The following GYG2 variants were observed in gnomAD, a reference collection of about 807,000 sequenced individuals.
The protein encoded by GYG2 is glycogenin-2.
Under a neutral mutation model 29.4 loss-of-function variants are expected in GYG2, and 29 were observed. The observed-to-expected ratio is 0.99, with a 90% confidence interval of 0.74 to 1.35. The LOEUF is 1.35. Among genes scored for constraint, GYG2 ranks in the 40% most tolerant of loss-of-function variants. The probability of loss-of-function intolerance (pLI) is 0.00; values close to 1 mark genes in which losing one functional copy is unlikely to be tolerated. For synonymous variants in GYG2, 167 were observed against 172.3 expected (o/e 0.97, Z 0.24); for missense variants, 370 against 385.7 (o/e 0.96, Z 0.34).
In GYG2 at chrX:2,862,882, C is replaced by A. The variant is rs943922348; in HGVS notation, c.1038+1160C>A. ...GAGACCAGCCGGCAACACACTGAGA[C>A]CTCATCTCTACAAAAAAAAGTCAAG... On this transcript the variant is annotated intron_variant, in intron 8 of 10. Transcript: ENST00000398806. 7.4e-5 allele frequency among the ~76,000 whole-genome samples: 8 copies of A among 107,752 alleles called. No homozygotes were observed. The Admixed American group carries it at 8.0e-4, about 11-fold the overall frequency. The allele number at this position is 107,752 out of a possible 115,157, so 93.6% of individuals were successfully genotyped here.
At chrX:2,871,384 AC>A (rs1429856598) in intron 8 of GYG2, among the ~76,000 whole-genome samples, 2 of 57,937 alleles carry the variant, frequency 3.5e-5, no homozygotes, top group Non-Finnish European at 5.0e-5. Context: ...TCTCTGATGC[AC>A]TTAAAAAAAA....
chrX:2,850,832 C>T (rs1471172282), intron 3 of GYG2, among the ~76,000 whole-genome samples: 1 of 110,451 alleles, frequency 9.1e-6, no homozygotes, highest in Non-Finnish European at 1.9e-5. Flanking sequence ...TATCTCCCTT[C>T]GCTGACTCTC....
chrX:2,844,580 A>G lies in GYG2; in HGVS notation c.149+1226A>G, dbSNP rs201740935. Among the ~76,000 whole-genome samples, 135 of 55,309 alleles carry G rather than the reference A, an allele frequency of 2.4e-3. 17 individuals carry two copies. The highest frequency in any genetic ancestry group is 0.013 in the Admixed American group (59 of 4,463). 48.0% of individuals were successfully genotyped at this position (55,309 alleles called of 115,157 possible). A position where few individuals can be genotyped will look rare whatever the true frequency, so the allele number is the denominator to read the frequency against. On this transcript the variant is annotated intron_variant, in intron 3 of 10. Transcript: ENST00000398806. ...TGCGTATATGTGTATACGCACACGC[A>G]TGCGTATATGTGTATACGCACACGC...
At chrX:2,853,499 G>A (rs5939362) in intron 3 of GYG2, 14,615 of 111,406 alleles carry the variant, frequency 0.13, 783 homozygotes, top group Admixed American at 0.25. Context: ...AAGCCACCGC[G>A]CCAGGCCTTG....
chrX:2,832,695 C>T (rs777538438), intron 2 of GYG2, among the ~76,000 whole-genome samples: 1 of 111,749 alleles, frequency 8.9e-6, no homozygotes, highest in East Asian at 2.8e-4. Context: ...CCCCCATGCC[C>T]GGCTCACTTT....
chrX:2,871,115 G>C (rs771492608), intron 8 of GYG2, among the ~76,000 whole-genome samples: 21 of 110,010 alleles, frequency 1.9e-4, no homozygotes, highest in African/African-American at 5.3e-4. Context: ...CAGTGTTTGT[G>C]ATGACCAGTC....
chrX:2,845,073 T>TTATATACACGTGTGTATGTA (rs2087648493), intron 3 of GYG2, among the ~76,000 whole-genome samples: 1 of 81,183 alleles, frequency 1.2e-5, no homozygotes, highest in African/African-American at 6.2e-5. Flanking sequence ...GTATGTATAT[T>TTATATACACGTGTGTATGTA]TATATACACG....
At chrX:2,834,599 G>T (rs1184458761) in intron 2 of GYG2, among the ~76,000 whole-genome samples, 1 of 111,640 alleles carries the variant, frequency 9.0e-6, no homozygotes, top group African/African-American at 3.3e-5. Flanking sequence ...TCAGCTGCTG[G>T]GCCCAGCACC....
rs188382797 is a variant in GYG2, at chrX:2,851,548, G to A, written c.150-2432G>A. ...CATGAGCCCCTGTGCCCAGCCTTCA[G>A]TTTGGTTTTGTCCAGTGTTTTCTCA... is the stretch of plus-strand genomic sequence containing the variant. On this transcript the variant is annotated intron_variant, in intron 3 of 10. Transcript: ENST00000398806. 3.6e-5 allele frequency among the ~76,000 whole-genome samples: 4 copies of A among 111,745 alleles called. No homozygotes were observed. The East Asian group carries it at 1.1e-3, about 31-fold the overall frequency.
rs1396246607 is a variant in GYG2 at position 2,882,464 on chromosome X, GA to G, written c.*1253del. 1.8e-5 allele frequency: 2 copies of G among 110,952 alleles called. No homozygotes were observed. The highest frequency in any genetic ancestry group is 6.6e-5 in the African/African-American group (2 of 30,416). 9.1% of individuals were successfully genotyped at this position (110,952 alleles called of 1,213,427 possible). On this transcript the variant is annotated 3_prime_UTR_variant, in exon 11 of 11. Transcript: ENST00000398806. ...GAAGCAGTTTAGCCTTTGGATAGAG[GA>G]ACCTGCCTGAATTTATGGCATTAGT...
At chrX:2,839,833 T>C (rs1431214768) in intron 2 of GYG2, among the ~76,000 whole-genome samples, 1 of 112,372 alleles carries the variant, frequency 8.9e-6, no homozygotes, top group African/African-American at 3.2e-5. Flanking sequence ...TTTGATTCCA[T>C]TTATAGGAAA....
At chrX:2,846,055 ATTTTTTTTTTTTTTTTTTT>A (rs374480210) in intron 3 of GYG2, among the ~76,000 whole-genome samples, 1 of 38,679 alleles carries the variant, frequency 2.6e-5, no homozygotes, top group South Asian at 2.7e-3. Flanking sequence ...ATATATATAT[ATTTTTTTTTTTTTTTTTTT>A]TTTTTTTTTT....
At chrX:2,874,369 G>C (rs1285464180) in intron 8 of GYG2, among the ~76,000 whole-genome samples, 2 of 112,305 alleles carry the variant, frequency 1.8e-5, no homozygotes, top group African/African-American at 3.2e-5. Flanking sequence ...TTCATTTCCA[G>C]TCGTTCTACA....
rs768372568 is a variant in GYG2 at position 2,872,056 on chromosome X, C to A, written c.1039-3754C>A. Reference sequence around the variant, plus strand: ...TACGATGTCCTCTCTCAGCTTTCATCTTCCCACACAGAGCATTTTGTTTTA... The same window carrying A: ...TACGATGTCCTCTCTCAGCTTTCATATTCCCACACAGAGCATTTTGTTTTA... On this transcript the variant is annotated intron_variant, in intron 8 of 10. Coordinates refer to ENST00000398806, the MANE Select transcript of GYG2 (RefSeq NM_001079855.2). Among the ~76,000 whole-genome samples, 4 of 111,701 alleles carry A rather than the reference C, an allele frequency of 3.6e-5. No homozygotes were observed. The East Asian group carries it at 8.5e-4, about 24-fold the overall frequency.
chrX:2,829,732 A>C (rs964901360), intron 1 of GYG2, among the ~76,000 whole-genome samples: 13 of 102,889 alleles, frequency 1.3e-4, no homozygotes, highest in African/African-American at 3.6e-4. Flanking sequence ...AACTCCAAGC[A>C]GGTGCGCGGG....
Position 2,875,661 on chromosome X carries a change from G to C in GYG2, c.1039-149G>C. The C allele has an allele frequency of 2.0e-5, 9 of 445,202 alleles. No homozygotes were observed. The South Asian group carries it at 2.5e-4, about 12-fold the overall frequency. 36.7% of individuals were successfully genotyped at this position (445,202 alleles called of 1,213,427 possible). On this transcript the variant is annotated intron_variant, in intron 8 of 10. Transcript: ENST00000398806. ...AGAAGAAACAAACACAGGTATTGGT[G>C]AGCATATCACCTTGCCCCAGTCCTA... is the stretch of plus-strand genomic sequence containing the variant.
At chrX:2,860,503 CT>C (rs1364903266) in intron 7 of GYG2, among the ~76,000 whole-genome samples, 2 of 110,496 alleles carry the variant, frequency 1.8e-5, no homozygotes, top group African/African-American at 6.6e-5. Flanking sequence ...ATGACAGCCC[CT>C]CGGTGTGCTA....
intron 2 of GYG2, among the ~76,000 whole-genome samples, chrX:2,838,464 T>TCCTTCCCTCCCTTCCC (rs771130047): frequency 1.2e-5 from 1 of 80,470 alleles, no homozygotes; most frequent in Non-Finnish European, 2.3e-5. Flanking sequence ...CCTCCCTTCC[T>TCCTTCCCTCCCTTCCC]CTCTCTCTTT....
chrX:2,851,308 C>T lies in GYG2; in HGVS notation c.150-2672C>T, dbSNP rs751470556. Among the ~76,000 whole-genome samples, 8 of 111,671 alleles carry T rather than the reference C, an allele frequency of 7.2e-5. No individual in the cohort carries two copies. The South Asian group carries it at 2.3e-3, about 32-fold the overall frequency. On this transcript the variant is annotated intron_variant, in intron 3 of 10. Transcript: ENST00000398806. ...TCGCCCAGGCCGGAGTGCAGTGGCA[C>T]GATCTCAGCTCATTGCAACCTCTGC...
Sources: gnomAD v4.1 joint callset for allele counts (sites outside exome capture counted in the v4.1 genomes callset) on GRCh38, gnomAD v4.1.1 for gene constraint, MANE v1.5 for transcripts, NCBI Gene and HGNC (gene_info 2026-07-23, HGNC 2026-07-21) for gene names.